C12orf60: variants seen among roughly 807,000 people sequenced by gnomAD.
The protein encoded by C12orf60 is chromosome 12 open reading frame 60, also known as uncharacterized protein C12orf60.
For synonymous variants in C12orf60, 102 were observed against 94.6 expected, an observed-to-expected ratio of 1.08 and a Z score of -0.45; for missense variants, 284 against 283.2, an observed-to-expected ratio of 1.00 and a Z score of -0.02.
Position 14,822,127 on chromosome 12 carries a change from G to A in C12orf60, c.-24-785G>A, listed in dbSNP as rs138593433. Among the ~76,000 whole-genome samples the A allele has an allele frequency of 8.7e-3, 1,185 of 136,784 alleles. 31 individuals are homozygous for A. The highest frequency in any genetic ancestry group is 0.032 in the African/African-American group (1,122 of 35,512). The allele number at this position is 136,784 out of a possible 152,430, so 89.7% of individuals were successfully genotyped here. On this transcript the variant is annotated intron_variant, in intron 1 of 1. Coordinates refer to ENST00000330828, the MANE Select transcript of C12orf60 (RefSeq NM_175874.4). ...TAGTTGGGGGCAGACAGAGGGTGGGGTGGGGGGGCTACCATTTTGTTGTTG... is the reference window on the plus strand; with the variant it reads ...TAGTTGGGGGCAGACAGAGGGTGGGATGGGGGGGCTACCATTTTGTTGTTG...
chr12:14,813,351 A>G (rs1056277851), intron 1 of C12orf60, among the ~76,000 whole-genome samples: 11 of 152,162 alleles, frequency 7.2e-5, no homozygotes, highest in African/African-American at 2.7e-4. Flanking sequence ...GTATAGGTAA[A>G]ATCAGGAGCT....
At chr12:14,811,703 T>C (rs1482871244) in intron 1 of C12orf60, among the ~76,000 whole-genome samples, 1 of 152,266 alleles carries the variant, frequency 6.6e-6, no homozygotes, top group African/African-American at 2.4e-5. Flanking sequence ...ACAGTTGTTT[T>C]AGTTTTTCAG....
At chr12:14,814,680 T>C (rs1294905615) in intron 1 of C12orf60, among the ~76,000 whole-genome samples, 1 of 152,230 alleles carries the variant, frequency 6.6e-6, no homozygotes, top group African/African-American at 2.4e-5. Flanking sequence ...ATTCTTTCTC[T>C]TCCTGTGTTT....
intron 1 of C12orf60, chr12:14,806,640 C>G (rs201776106): frequency 6.2e-7 from 1 of 1,610,310 alleles, no homozygotes; most frequent in African/African-American, 1.3e-5. Flanking sequence ...TTCTTCCCGC[C>G]TTTTTGGGTT....
In C12orf60 at chr12:14,823,588, T is replaced by C. The variant is rs1239758897; in HGVS notation, c.653T>C (p.Met218Thr). The change falls in exon 2 of 2, where the codon ATG (methionine) becomes ACG (threonine). Residue 218 changes from methionine to threonine, a missense_variant. By Grantham distance (81) the Met-to-Thr change is moderately conservative (BLOSUM62 -1). Coordinates refer to ENST00000330828, the MANE Select transcript of C12orf60 (RefSeq NM_175874.4). ...TTGTTGGAACAAATTGTCAAGGCTA[T>C]GGGACCAATCTTAGAGATCCTCCAA... ...ADLLEQIVKA[M>T]GPILEILQKA... 1 of 1,612,896 alleles carries C rather than the reference T, an allele frequency of 6.2e-7. No homozygotes were observed. The highest frequency in any genetic ancestry group is 8.5e-7 in the Non-Finnish European group (1 of 1,179,732).
intron 1 of C12orf60, among the ~76,000 whole-genome samples, chr12:14,812,166 C>T (rs754371570): frequency 4.6e-5 from 7 of 152,316 alleles, no homozygotes; most frequent in South Asian, 2.1e-4. Flanking sequence ...AATATTTGGC[C>T]GGGCGTGGTG....
At chr12:14,806,862 C>T (rs1467917475) in intron 1 of C12orf60, among the ~76,000 whole-genome samples, 3 of 152,296 alleles carry the variant, frequency 2.0e-5, no homozygotes, top group South Asian at 2.1e-4. Flanking sequence ...GAGGGAGTAT[C>T]GCTGTGTCAC....
At chr12:14,820,325 A>T (rs775152182) in intron 1 of C12orf60, among the ~76,000 whole-genome samples, 22 of 151,474 alleles carry the variant, frequency 1.5e-4, no homozygotes, top group Non-Finnish European at 2.2e-4. Flanking sequence ...GATTTTATCT[A>T]TTTTTTCTGT....
At chr12:14,819,140 A>C (rs1233313613) in intron 1 of C12orf60, among the ~76,000 whole-genome samples, 1 of 152,124 alleles carries the variant, frequency 6.6e-6, no homozygotes, top group Non-Finnish European at 1.5e-5. Context: ...CATCTTTGCT[A>C]TATAGAGTCT....
chr12:14,812,077 C>T (rs1231609916), intron 1 of C12orf60, among the ~76,000 whole-genome samples: 2 of 152,196 alleles, frequency 1.3e-5, no homozygotes, highest in Non-Finnish European at 2.9e-5. Flanking sequence ...GCATAAGTAT[C>T]TTCACAAAGT....
intron 1 of C12orf60, chr12:14,804,788 A>T (rs2137249495): frequency 6.6e-6 from 1 of 152,284 alleles, no homozygotes; most frequent in East Asian, 1.9e-4. Flanking sequence ...GAAATATTAA[A>T]GTCTTTCATG....
intron 1 of C12orf60, among the ~76,000 whole-genome samples, chr12:14,812,183 G>A (rs996616371): frequency 6.6e-6 from 1 of 152,194 alleles, no homozygotes; most frequent in African/African-American, 2.4e-5. Context: ...GGTGGCTCAC[G>A]CCTGTAATCC....
At chr12:14,812,448 A>G (rs1229181014) in intron 1 of C12orf60, among the ~76,000 whole-genome samples, 1 of 152,300 alleles carries the variant, frequency 6.6e-6, no homozygotes, top group East Asian at 1.9e-4. Flanking sequence ...CGTCTCAAAA[A>G]AAAAAAAAAT....
At chr12:14,811,565 T>C (rs1295528992) in intron 1 of C12orf60, among the ~76,000 whole-genome samples, 1 of 152,250 alleles carries the variant, frequency 6.6e-6, no homozygotes, top group African/African-American at 2.4e-5. Context: ...GATGGATGCT[T>C]ACTGCACCTA....
intron 1 of C12orf60, among the ~76,000 whole-genome samples, chr12:14,812,731 A>G (rs1565681164): frequency 1.3e-5 from 2 of 151,918 alleles, no homozygotes; most frequent in East Asian, 3.9e-4. Flanking sequence ...TTATAGCAGG[A>G]TACTGGGTAT....
At chr12:14,820,941 G>A (rs1019119927) in intron 1 of C12orf60, among the ~76,000 whole-genome samples, 1 of 151,874 alleles carries the variant, frequency 6.6e-6, no homozygotes, top group Admixed American at 6.6e-5. Flanking sequence ...ATATTGTAAA[G>A]GTCATTGTTT....
chr12:14,815,164 G>A (rs1241248991), intron 1 of C12orf60, among the ~76,000 whole-genome samples: 1 of 152,148 alleles, frequency 6.6e-6, no homozygotes, highest in Non-Finnish European at 1.5e-5. Context: ...TGCCAGACAG[G>A]CAGACAGGAA....
At chr12:14,812,097 A>G (rs1377295838) in intron 1 of C12orf60, among the ~76,000 whole-genome samples, 1 of 152,256 alleles carries the variant, frequency 6.6e-6, no homozygotes, top group African/African-American at 2.4e-5. Flanking sequence ...TTATCATAAT[A>G]GTATAAATAA....
intron 1 of C12orf60, among the ~76,000 whole-genome samples, chr12:14,817,426 T>A (rs1360741906): frequency 2.0e-5 from 3 of 152,230 alleles, no homozygotes; most frequent in Non-Finnish European, 1.5e-5. Context: ...CAGGTATACA[T>A]GTGCCATGGT....
Sources: allele counts gnomAD v4.1 joint callset (sites outside exome capture counted in the v4.1 genomes callset), GRCh38; gene constraint gnomAD v4.1.1; transcripts MANE v1.5; gene names NCBI Gene and HGNC (gene_info 2026-07-23, HGNC 2026-07-21).